The following GALNT12 variants were observed in gnomAD, a reference collection of about 807,000 sequenced individuals.
GALNT12 encodes the protein UDP-GalNAc:polypeptide N-acetylgalactosaminyltransferase 12.
GALNT12 carries 45 observed loss-of-function variants against 55.5 expected under a neutral mutation model. The observed-to-expected ratio is 0.81, with a 90% CI of 0.64 to 1.04. GALNT12 has a LOEUF of 1.04. GALNT12 is among the 50% of genes least tolerant of loss of function. GALNT12 has a pLI of 0.00. For synonymous variants in GALNT12, 304 were observed against 312.2 expected (o/e 0.97, Z 0.28); for missense variants, 709 against 754.8 (o/e 0.94, Z 0.71).
In GALNT12 at chr9:98,849,855, T is replaced by C; in HGVS notation, c.*763T>C. ...TTTATATCATTTTTAATTTTTATGATACGGTAGTGTCAGGGAGAAATGTAA... is the reference window on the plus strand; with the variant it reads ...TTTATATCATTTTTAATTTTTATGACACGGTAGTGTCAGGGAGAAATGTAA... On this transcript the variant is annotated 3_prime_UTR_variant, in exon 10 of 10. Transcript: ENST00000375011. 1 of 322,518 alleles carries C rather than the reference T, an allele frequency of 3.1e-6. No homozygotes were observed. The highest frequency in any genetic ancestry group is 5.6e-6 in the Non-Finnish European group (1 of 179,366). 20.0% of individuals were successfully genotyped at this position (322,518 alleles called of 1,614,324 possible).
At position 98,820,635 on chromosome 9, in the gene GALNT12, A is replaced by G. The variant is rs189702524; in HGVS notation, c.372-2621A>G. Among the ~76,000 whole-genome samples the G allele has an allele frequency of 1.5e-3, 234 of 152,338 alleles. 1 individual carries two copies. Among genetic ancestry groups the G allele is most frequent in the African/African-American group, 5.2e-3 (216 of 41,576 alleles). ...ACCCAGTAATGGGATTGCTGGGTCA[A>G]ATGGCATTTCTGCCTCTAGGTCTTT... On this transcript the variant is annotated intron_variant, in intron 1 of 9. Coordinates refer to ENST00000375011, the MANE Select transcript of GALNT12 (RefSeq NM_024642.5).
In GALNT12 at chr9:98,807,688, T is replaced by C. The variant is rs937164422; in HGVS notation, c.-11T>C. The C allele has an allele frequency of 3.5e-6, 4 of 1,130,856 alleles. No individual in the cohort carries two copies. The highest frequency in any genetic ancestry group is 3.3e-5 in the African/African-American group (2 of 60,314). The allele number at this position is 1,130,856 out of a possible 1,614,324, so 70.1% of individuals were successfully genotyped here. On this transcript the variant is annotated 5_prime_UTR_variant, in exon 1 of 10. Transcript: ENST00000375011. ...GGGGCGCGCAGATCGCTGGCTGCAG[T>C]TGGCGGGCGCATGTGGGGGCGCACG...
chr9:98,840,851 C>A (rs996177674), intron 7 of GALNT12, among the ~76,000 whole-genome samples: 1 of 152,190 alleles, frequency 6.6e-6, no homozygotes, highest in Non-Finnish European at 1.5e-5. Flanking sequence ...CTGTACTTCA[C>A]CTCCACATTT....
chr9:98,830,400 C>A (rs1436664323), intron 3 of GALNT12, among the ~76,000 whole-genome samples: 2 of 152,234 alleles, frequency 1.3e-5, no homozygotes, highest in African/African-American at 2.4e-5. Context: ...TGCAGATCAG[C>A]CCTGTTCAGT....
Position 98,807,770 on chromosome 9 carries a change from C to T in GALNT12, c.72C>T (p.Leu24=), listed in dbSNP as rs1292527069. Residue 24 remains leucine (L), a synonymous_variant, in exon 1 of 10, where the codon CTC becomes CTT. Coordinates refer to ENST00000375011, the MANE Select transcript of GALNT12 (RefSeq NM_024642.5). ...GCGGCCGGGAGGCGCTGTTGGTGCT[C>T]CTGGCGCTACTGGCGTTGGCCGGGC... is the stretch of plus-strand genomic sequence containing the variant. ...LRRGREALLV[L]LALLALAGLG... The T allele has an allele frequency of 1.7e-6, 2 of 1,166,606 alleles. No homozygotes were observed. The highest frequency in any genetic ancestry group is 2.1e-6 in the Non-Finnish European group (2 of 941,854). 72.3% of individuals were successfully genotyped at this position (1,166,606 alleles called of 1,614,324 possible).
intron 5 of GALNT12, among the ~76,000 whole-genome samples, chr9:98,835,988 GGCCTCCCAA>G (rs1836133867): frequency 1.3e-5 from 2 of 152,156 alleles, no homozygotes; most frequent in African/African-American, 2.4e-5. Context: ...CACCCGCCTT[GGCCTCCCAA>G]AGTGCTGGGA....
chr9:98,815,509 T>C (rs1443676963), intron 1 of GALNT12, among the ~76,000 whole-genome samples: 1 of 152,150 alleles, frequency 6.6e-6, no homozygotes, highest in Non-Finnish European at 1.5e-5. Flanking sequence ...GGCATTGGTA[T>C]TGAACCTCAT....
chr9:98,817,664 A>C (rs143304991), intron 1 of GALNT12, among the ~76,000 whole-genome samples: 426 of 151,824 alleles, frequency 2.8e-3, no homozygotes, highest in Middle Eastern at 0.021. Context: ...GGGTTTCACT[A>C]TGTTGGTCAG....
rs200892718 is a variant in GALNT12 at position 98,846,170 on chromosome 9, A to G, written c.1605+47A>G. On this transcript the variant is annotated intron_variant, in intron 9 of 9. Coordinates refer to ENST00000375011, the MANE Select transcript of GALNT12 (RefSeq NM_024642.5). Reference sequence around the variant, plus strand: ...TTCCTGCTGACAGTCCCTGGGCTATAAGGGAGAGTGTGAGAGTCAGACGTT... The same window carrying G: ...TTCCTGCTGACAGTCCCTGGGCTATGAGGGAGAGTGTGAGAGTCAGACGTT... 7.2e-5 allele frequency: 115 copies of G among 1,606,006 alleles called. No homozygotes were observed. The East Asian group carries it at 1.6e-3, about 22-fold the overall frequency.
intron 7 of GALNT12, among the ~76,000 whole-genome samples, chr9:98,841,706 T>C (rs1471137039): frequency 2.6e-5 from 4 of 152,134 alleles, no homozygotes; most frequent in South Asian, 4.1e-4. Context: ...GTCTTGCTCT[T>C]GTCCCCCAGG....
At chr9:98,845,863 G>A (rs1836398764) in intron 8 of GALNT12, 114 bp from the exon 9 acceptor site, 10 of 1,075,120 alleles carry the variant, frequency 9.3e-6, no homozygotes, top group Middle Eastern at 3.9e-4. Context: ...TGGTGGTGAC[G>A]CAGGTGCATG....
chr9:98,848,294 G>A (rs1253868338), intron 9 of GALNT12, among the ~76,000 whole-genome samples: 1 of 152,104 alleles, frequency 6.6e-6, no homozygotes, highest in Non-Finnish European at 1.5e-5. Context: ...GATTAAGTTC[G>A]TTGCATACAG....
intron 9 of GALNT12, among the ~76,000 whole-genome samples, chr9:98,848,578 T>C (rs1214852034): frequency 6.6e-6 from 1 of 152,200 alleles, no homozygotes; most frequent in Non-Finnish European, 1.5e-5. Context: ...TCTGTTTAAA[T>C]ACCTAAGAGA....
chr9:98,810,116 C>T (rs1012342141), intron 1 of GALNT12, among the ~76,000 whole-genome samples: 1 of 152,210 alleles, frequency 6.6e-6, no homozygotes, highest in Non-Finnish European at 1.5e-5. Context: ...TGTGGCATCT[C>T]ACTTTTATTA....
In GALNT12 at chr9:98,818,998, A is replaced by T. The variant is rs1245017339; in HGVS notation, c.372-4258A>T. ...TCATTCACGTGGCTGGAAAGATTGT[A>T]CTGGCTGTTGGCAGGAAGTGTCAGT... On this transcript the variant is annotated intron_variant, in intron 1 of 9. Coordinates refer to ENST00000375011, the MANE Select transcript of GALNT12 (RefSeq NM_024642.5). Among the ~76,000 whole-genome samples the T allele has an allele frequency of 3.9e-5, 6 of 152,132 alleles. No homozygotes were observed. The South Asian group carries it at 6.2e-4, about 16-fold the overall frequency.
At chr9:98,844,444 A>G (rs1836367441) in intron 8 of GALNT12, 2 of 514,730 alleles carry the variant, frequency 3.9e-6, no homozygotes, top group South Asian at 2.2e-5. Context: ...TGTATGTTTT[A>G]TATTCCATTA....
At chr9:98,808,219 A>T (rs1340131028) in intron 1 of GALNT12, 150 bp downstream of exon 1, 3 of 612,100 alleles carry the variant, frequency 4.9e-6, no homozygotes, top group African/African-American at 3.7e-5. Context: ...AAGAGCTCAC[A>T]TGGGGGCGGG....
chr9:98,832,037 G>A, intron 4 of GALNT12, 80 bp downstream of exon 4: 1 of 1,251,996 alleles, frequency 8.0e-7, no homozygotes, highest in Non-Finnish European at 1.1e-6. Context: ...GAGGCCCTCG[G>A]GAGGAATGGT....
intron 2 of GALNT12, among the ~76,000 whole-genome samples, chr9:98,824,183 T>C (rs1193779625): frequency 6.6e-6 from 1 of 152,190 alleles, no homozygotes; most frequent in Admixed American, 6.5e-5. Context: ...TTTCACAGAC[T>C]CAATAGTGAC....
Sources: gnomAD v4.1 joint callset for allele counts (sites outside exome capture counted in the v4.1 genomes callset) on GRCh38, gnomAD v4.1.1 for gene constraint, MANE v1.5 for transcripts, NCBI Gene and HGNC (gene_info 2026-07-23, HGNC 2026-07-21) for gene names.